B3GNT5: variants seen among roughly 807,000 people sequenced by gnomAD.
B3GNT5 encodes the protein lactosylceramide 1,3-N-acetyl-beta-D-glucosaminyltransferase.
Under a neutral mutation model 25.9 loss-of-function variants are expected in B3GNT5, and 11 were observed. That is an observed-to-expected ratio of 0.42 (90% confidence interval 0.27 to 0.70). The LOEUF is 0.70. B3GNT5 is among the 30% of genes least tolerant of loss of function. The pLI is 0.23. For synonymous variants in B3GNT5, 166 were observed against 158.6 expected (o/e 1.05, Z -0.35); for missense variants, 385 against 458.4 (o/e 0.84, Z 1.46).
chr3:183,269,015 A>T (rs565803284), intron 1 of B3GNT5, among the ~76,000 whole-genome samples: 9 of 151,350 alleles, frequency 5.9e-5, no homozygotes, highest in East Asian at 3.9e-4. Context: ...ACCTTAATTT[A>T]AAAAAAAAGA....
chr3:183,270,701 G>A lies in B3GNT5; in HGVS notation c.903G>A (p.Val301=), dbSNP rs375646254. The A allele has an allele frequency of 1.9e-6, 3 of 1,613,648 alleles. No homozygotes were observed. The highest frequency in any genetic ancestry group is 2.7e-5 in the African/African-American group (2 of 74,858). The stretch of plus-strand genomic sequence containing the variant: ...TAGGGATAGTACCGCAGGACCATGT[G>A]TTTTTTTCTGGAGAGGGTAAAACTC... The part of the protein sequence containing the change: ...NKIGIVPQDH[V]FFSGEGKTPY... Residue 301 remains valine, a synonymous_variant, in exon 2 of 2, where the codon GTG becomes GTA. Coordinates refer to ENST00000326505, the MANE Select transcript of B3GNT5 (RefSeq NM_032047.5). This position sits in a 1 kb window ranked among gnomAD's most constrained non-coding sequence, Gnocchi z 4.5.
At position 183,273,276 on chromosome 3, in the gene B3GNT5, T is replaced by G; in HGVS notation, c.*2341T>G. ...GCATCTTTTTTCCATATTGTTAATTTTATACCAAAATGTTAAATATTTGTA... is the reference window on the plus strand; with the variant it reads ...GCATCTTTTTTCCATATTGTTAATTGTATACCAAAATGTTAAATATTTGTA... On this transcript the variant is annotated 3_prime_UTR_variant, in exon 2 of 2. Transcript: ENST00000326505. The G allele has an allele frequency of 2.9e-6, 1 of 342,216 alleles. No homozygotes were observed. The highest frequency in any genetic ancestry group is 4.5e-5 in the East Asian group (1 of 22,078). The allele number at this position is 342,216 out of a possible 1,614,324, so 21.2% of individuals were successfully genotyped here. A position where few individuals can be genotyped will look rare whatever the true frequency, so the allele number is the denominator to read the frequency against.
Position 183,270,766 on chromosome 3 carries a change from A to G in B3GNT5, c.968A>G (p.His323Arg). 2 of 1,613,824 alleles carry G rather than the reference A, an allele frequency of 1.2e-6. No individual in the cohort carries two copies. The highest frequency in any genetic ancestry group is 1.7e-6 in the Non-Finnish European group (2 of 1,179,862). The change falls in exon 2 of 2, where the codon CAT (histidine) becomes CGT (arginine). Residue 323 changes from histidine to arginine, a missense_variant. Physicochemically the swap from His to Arg is conservative, Grantham distance 29. Transcript: ENST00000326505. The surrounding 1 kb of genome is among the most constrained non-coding windows in gnomAD (Gnocchi z 4.5). ...ATCTATGAAAAAATGATGACATCTC[A>G]TGGACACTTAGAAGATCTCCAGGAC... ...PCIYEKMMTS[H>R]GHLEDLQDLW...
intron 1 of B3GNT5, chr3:183,265,619 G>A (rs1726032630): frequency 6.6e-6 from 1 of 152,276 alleles, no homozygotes; most frequent in African/African-American, 2.4e-5. Flanking sequence ...GGAGGGCAGT[G>A]CTTTTGATTT....
In B3GNT5 at chr3:183,272,351, T is replaced by C. The variant is rs1726850919; in HGVS notation, c.*1416T>C. ...TCAGCAAGAGTGACTGAACTCACTC[T>C]AAGGCCTTTGACTGCAGAGGCACCT... On this transcript the variant is annotated 3_prime_UTR_variant, in exon 2 of 2. Coordinates refer to ENST00000326505, the MANE Select transcript of B3GNT5 (RefSeq NM_032047.5). The C allele has an allele frequency of 3.0e-6, 3 of 1,000,268 alleles. No individual in the cohort carries two copies. The highest frequency in any genetic ancestry group is 3.6e-6 in the Non-Finnish European group (3 of 829,990). 62.0% of individuals were successfully genotyped at this position (1,000,268 alleles called of 1,614,324 possible).
rs1726776805 is a variant in B3GNT5, at chr3:183,271,473, G to GTTA, written c.*543_*545dup. The GTTA allele has an allele frequency of 6.0e-6, 1 of 167,128 alleles. No homozygotes were observed. Among genetic ancestry groups the GTTA allele is most frequent in the South Asian group, 2.1e-4 (1 of 4,834 alleles). 10.4% of individuals were successfully genotyped at this position (167,128 alleles called of 1,614,324 possible). A position where few individuals can be genotyped will look rare whatever the true frequency, so the allele number is the denominator to read the frequency against. Reference sequence around the variant, plus strand: ...GGAGATGTAGAAAAATGTGTACAATGTTATTATAAACAGACAAATCACGTC... The same window carrying GTTA: ...GGAGATGTAGAAAAATGTGTACAATGTTATTATTATAAACAGACAAATCACGTC... On this transcript the variant is annotated 3_prime_UTR_variant, in exon 2 of 2. Transcript: ENST00000326505.
intron 1 of B3GNT5, among the ~76,000 whole-genome samples, chr3:183,256,836 C>CCATGTTCTTTCCTGTG (rs11276440): frequency 4.5e-5 from 5 of 109,908 alleles, no homozygotes; most frequent in East Asian, 4.4e-4. Context: ...CTTGTGGGAA[C>CCATGTTCTTTCCTGTG]AAGAATAACG....
chr3:183,268,961 G>T (rs1001926578), intron 1 of B3GNT5, among the ~76,000 whole-genome samples: 7 of 152,050 alleles, frequency 4.6e-5, no homozygotes, highest in African/African-American at 1.7e-4. Context: ...TTTGATTACT[G>T]AGAGTTTGCT....
chr3:183,262,586 T>C (rs73884614), intron 1 of B3GNT5, among the ~76,000 whole-genome samples: 13,823 of 151,900 alleles, frequency 0.091, 1,695 homozygotes, highest in African/African-American at 0.28. Flanking sequence ...GTATGTTTTA[T>C]AGAGGGAATG....
intron 1 of B3GNT5, among the ~76,000 whole-genome samples, chr3:183,263,606 A>G (rs1725819827): frequency 6.6e-6 from 1 of 152,010 alleles, no homozygotes; most frequent in South Asian, 2.1e-4. Context: ...GCTTATCCAC[A>G]TTCATGAAAT....
At chr3:183,254,251 G>A (rs1030728966) in intron 1 of B3GNT5, 2 of 152,000 alleles carry the variant, frequency 1.3e-5, no homozygotes, top group East Asian at 3.9e-4. Flanking sequence ...CGCGCGCTTG[G>A]GCCGGGGGCG....
intron 1 of B3GNT5, among the ~76,000 whole-genome samples, chr3:183,255,720 C>A (rs537066146): frequency 6.6e-6 from 1 of 151,816 alleles, no homozygotes; most frequent in Admixed American, 6.6e-5. Context: ...AGTGCAGGCC[C>A]CATCAAGTAA....
At chr3:183,269,152 T>C (rs913513403) in intron 1 of B3GNT5, among the ~76,000 whole-genome samples, 1 of 151,768 alleles carries the variant, frequency 6.6e-6, no homozygotes, top group African/African-American at 2.4e-5. Context: ...CCTGACCATA[T>C]TCAAGTCAGT....
At chr3:183,258,868 G>A (rs1226536215) in intron 1 of B3GNT5, among the ~76,000 whole-genome samples, 1 of 152,076 alleles carries the variant, frequency 6.6e-6, no homozygotes, top group Non-Finnish European at 1.5e-5. Context: ...GGGATTACAA[G>A]TATGAGCTAC....
At chr3:183,256,675 T>C (rs1448755811) in intron 1 of B3GNT5, among the ~76,000 whole-genome samples, 1 of 152,212 alleles carries the variant, frequency 6.6e-6, no homozygotes, top group Non-Finnish European at 1.5e-5. Flanking sequence ...TTTGACTCTT[T>C]TGCTCCTTTC....
At chr3:183,258,789 G>C (rs1246083619) in intron 1 of B3GNT5, among the ~76,000 whole-genome samples, 1 of 152,010 alleles carries the variant, frequency 6.6e-6, no homozygotes, top group Non-Finnish European at 1.5e-5. Flanking sequence ...GTCCAGGCTA[G>C]AGTGCAGAGG....
rs140996846 is a variant in B3GNT5 at position 183,262,629 on chromosome 3, A to C, written c.-301-6869A>C. Among the ~76,000 whole-genome samples, 13 of 149,862 alleles carry C rather than the reference A, an allele frequency of 8.7e-5. No homozygotes were observed. In the East Asian group the frequency reaches 2.4e-3, roughly 27 times the overall value. On this transcript the variant is annotated intron_variant, in intron 1 of 1. Transcript: ENST00000326505. The stretch of plus-strand genomic sequence containing the variant: ...TTGGGGAACTAGGGAGCCCATGAGG[A>C]GGCGGCCCAGAAGGGGAGGAGGAGC...
At chr3:183,261,975 A>G (rs1372549698) in intron 1 of B3GNT5, among the ~76,000 whole-genome samples, 2 of 145,830 alleles carry the variant, frequency 1.4e-5, no homozygotes, top group East Asian at 2.0e-4. Context: ...AAAAAAAAAA[A>G]AAGAATAGAA....
intron 1 of B3GNT5, among the ~76,000 whole-genome samples, chr3:183,260,061 T>C (rs555171572): frequency 1.7e-4 from 26 of 151,250 alleles, no homozygotes; most frequent in Non-Finnish European, 3.1e-4. Flanking sequence ...CCTGTGCCCA[T>C]GCCAAGGAAA....
Sources: gnomAD v4.1 joint callset for allele counts (sites outside exome capture counted in the v4.1 genomes callset) on GRCh38, gnomAD v4.1.1 for gene constraint, Gnocchi (gnomAD v3.1) non-coding constraint, MANE v1.5 for transcripts, NCBI Gene and HGNC (gene_info 2026-07-23, HGNC 2026-07-21) for gene names.